Variants in RALY observed in about 807,000 individuals in gnomAD.
RALY encodes RNA-binding protein Raly.
Under a neutral mutation model 30.7 loss-of-function variants are expected in RALY, and 15 were observed. The observed-to-expected ratio is 0.49, with a 90% CI of 0.33 to 0.75. RALY has a LOEUF of 0.75. Among genes scored for constraint, RALY ranks in the 30% least tolerant of loss-of-function variants. The pLI, the probability that RALY is intolerant of heterozygous loss-of-function variation, is 0.02. For missense variants in RALY, 339 were observed against 414.3 expected (o/e 0.82, Z 1.58); for synonymous variants, 177 against 170.8 (o/e 1.04, Z -0.28).
rs553209655 is a variant in RALY at position 34,038,818 on chromosome 20, T to C, written c.-10+7214T>C. 3.0e-3 allele frequency among the ~76,000 whole-genome samples: 459 copies of C among 152,272 alleles called. 2 individuals carry two copies. The highest frequency in any genetic ancestry group is 4.7e-3 in the Non-Finnish European group (322 of 68,032). ...GAATAATAATGCCTACTTTATATAG[T>C]GATTGTGTTGCTAGTAGATGAAGAA... On this transcript the variant is annotated intron_variant, in intron 2 of 9. Coordinates refer to ENST00000246194, the MANE Select transcript of RALY (RefSeq NM_016732.3).
At chr20:34,006,595 A>G (rs2031168125) in intron 1 of RALY, among the ~76,000 whole-genome samples, 1 of 152,206 alleles carries the variant, frequency 6.6e-6, no homozygotes, top group Non-Finnish European at 1.5e-5. Context: ...GTGATGGGCC[A>G]CAGATATGAC....
At position 34,081,690 on chromosome 20, in the gene RALY, A is replaced by T. The variant is rs1292234493; in HGVS notation, c.*1785A>T. The T allele has an allele frequency of 6.6e-6, 1 of 152,290 alleles. No homozygotes were observed. Among genetic ancestry groups the T allele is most frequent in the Non-Finnish European group, 1.5e-5 (1 of 68,118 alleles). 9.4% of individuals were successfully genotyped at this position (152,290 alleles called of 1,614,324 possible). ...CACCGGGAAGTCTCTCTCACTGAGC[A>T]GCCCTCCTGCCTGTCATCCTGGGCA... On this transcript the variant is annotated 3_prime_UTR_variant, in exon 10 of 10. Coordinates refer to ENST00000246194, the MANE Select transcript of RALY (RefSeq NM_016732.3).
intron 2 of RALY, among the ~76,000 whole-genome samples, chr20:34,063,012 G>C (rs946709790): frequency 6.6e-6 from 1 of 152,190 alleles, no homozygotes; most frequent in African/African-American, 2.4e-5. Flanking sequence ...CAGATACAGG[G>C]CATGCCCAGT....
intron 1 of RALY, among the ~76,000 whole-genome samples, chr20:34,021,283 A>C (rs1407165242): frequency 6.6e-6 from 1 of 152,108 alleles, no homozygotes; most frequent in East Asian, 1.9e-4. Flanking sequence ...GTCTTAGTCC[A>C]TTTTGTGCTG....
At chr20:34,071,085 G>A (rs2033713039) in intron 2 of RALY, among the ~76,000 whole-genome samples, 1 of 152,004 alleles carries the variant, frequency 6.6e-6, no homozygotes, top group East Asian at 1.9e-4. Flanking sequence ...CAGCACCAAG[G>A]GGGAAATGCA....
intron 1 of RALY, among the ~76,000 whole-genome samples, chr20:33,999,209 G>A (rs951086467): frequency 6.6e-6 from 1 of 151,974 alleles, no homozygotes; most frequent in South Asian, 2.1e-4. Context: ...GGAAGGAATC[G>A]GGATGACATC....
chr20:34,078,482 C>T, intron 8 of RALY, 23 bp from the exon 9 acceptor site: 2 of 1,551,838 alleles, frequency 1.3e-6, no homozygotes, highest in East Asian at 2.4e-5. Context: ...GATGTGTGGT[C>T]TCTCTTACCT....
chr20:34,039,804 T>C (rs370558403), intron 2 of RALY, among the ~76,000 whole-genome samples: 5 of 152,100 alleles, frequency 3.3e-5, no homozygotes, highest in African/African-American at 1.2e-4. Context: ...CTGAACCATA[T>C]CACCATCATT....
chr20:34,006,033 A>T (rs1263953960), intron 1 of RALY, among the ~76,000 whole-genome samples: 1 of 152,222 alleles, frequency 6.6e-6, no homozygotes. Context: ...GTCAATTATG[A>T]ATAAAGATGC....
chr20:34,003,454 T>G (rs2031011826), intron 1 of RALY, among the ~76,000 whole-genome samples: 1 of 151,514 alleles, frequency 6.6e-6, no homozygotes, highest in South Asian at 2.1e-4. Flanking sequence ...GCAGGGAGAG[T>G]GATCTCAGCT....
intron 1 of RALY, among the ~76,000 whole-genome samples, chr20:34,026,924 G>A (rs943477408): frequency 6.6e-6 from 1 of 152,098 alleles, no homozygotes; most frequent in African/African-American, 2.4e-5. Context: ...AAGAGTTGCC[G>A]GGCAGGTTTT....
chr20:33,996,101 A>G (rs137936952), intron 1 of RALY, among the ~76,000 whole-genome samples: 83 of 152,294 alleles, frequency 5.4e-4, no homozygotes, highest in African/African-American at 1.9e-3. Context: ...ATCTGATTTA[A>G]TTTCTAATCC....
intron 1 of RALY, among the ~76,000 whole-genome samples, chr20:34,008,847 A>T (rs1360666829): frequency 6.6e-6 from 1 of 152,068 alleles, no homozygotes; most frequent in Non-Finnish European, 1.5e-5. Context: ...TTTTGTAGAG[A>T]TGAGTTATTA....
At chr20:34,039,556 C>G (rs536359790) in intron 2 of RALY, among the ~76,000 whole-genome samples, 1 of 152,272 alleles carries the variant, frequency 6.6e-6, no homozygotes, top group African/African-American at 2.4e-5. Context: ...GCCTTTGGTA[C>G]TGAGGATTTC....
At chr20:34,058,320 C>T (rs556592152) in intron 2 of RALY, among the ~76,000 whole-genome samples, 3 of 152,128 alleles carry the variant, frequency 2.0e-5, no homozygotes, top group African/African-American at 4.8e-5. Flanking sequence ...TGGACATAAG[C>T]GTGCATATGT....
chr20:34,084,646 C>G lies in RALY; in HGVS notation c.*4741C>G, dbSNP rs1339114525. The stretch of plus-strand genomic sequence containing the variant: ...AGCACTAGCAGCTTCCACTTATTAT[C>G]TCTTGGGACTCTAGCTCTTGGGACC... On this transcript the variant is annotated 3_prime_UTR_variant, in exon 10 of 10. Coordinates refer to ENST00000246194, the MANE Select transcript of RALY (RefSeq NM_016732.3). The G allele has an allele frequency of 1.3e-5, 2 of 152,332 alleles. No homozygotes were observed. The highest frequency in any genetic ancestry group is 4.8e-5 in the African/African-American group (2 of 41,472). 9.4% of individuals were successfully genotyped at this position (152,332 alleles called of 1,614,324 possible).
At chr20:34,045,109 C>T (rs543367383) in intron 2 of RALY, among the ~76,000 whole-genome samples, 2 of 152,034 alleles carry the variant, frequency 1.3e-5, no homozygotes, top group East Asian at 3.9e-4. Context: ...CCAGGGTCTC[C>T]CTACGTTGCC....
intron 2 of RALY, among the ~76,000 whole-genome samples, chr20:34,052,765 A>C (rs1343115217): frequency 2.0e-5 from 3 of 152,026 alleles, no homozygotes; most frequent in Non-Finnish European, 2.9e-5. Context: ...TATCTGGGGG[A>C]CTCATCCAGT....
At chr20:34,029,507 AGG>A (rs1491410262) in intron 1 of RALY, among the ~76,000 whole-genome samples, 1 of 60,718 alleles carries the variant, frequency 1.6e-5, no homozygotes. Flanking sequence ...GGAGGGAGGG[AGG>A]GAGATGATTT....
Sources: allele counts gnomAD v4.1 joint callset (sites outside exome capture counted in the v4.1 genomes callset), GRCh38; gene constraint gnomAD v4.1.1; transcripts MANE v1.5; gene names NCBI Gene and HGNC (gene_info 2026-07-23, HGNC 2026-07-21).